Variants in RAB11FIP3 observed in about 807,000 individuals in gnomAD.
RAB11FIP3 encodes rab11 family-interacting protein 3.
RAB11FIP3 carries 17 observed loss-of-function variants against 77.8 expected under a neutral mutation model. The observed-to-expected ratio is 0.22, with a 90% confidence interval of 0.15 to 0.33. RAB11FIP3 has a LOEUF of 0.33. RAB11FIP3 is among the 10% of genes least tolerant of loss of function. The pLI, the probability that RAB11FIP3 is intolerant of heterozygous loss-of-function variation, is 1.00. For missense variants in RAB11FIP3, 1,005 were observed against 1,011.2 expected (o/e 0.99, Z 0.08); for synonymous variants, 437 against 448.2 (o/e 0.98, Z 0.31).
At chr16:495,929 T>C (rs1263846425) in intron 5 of RAB11FIP3, among the ~76,000 whole-genome samples, 1 of 152,138 alleles carries the variant, frequency 6.6e-6, no homozygotes, top group Non-Finnish European at 1.5e-5. Context: ...TTTGAATTTT[T>C]AGTAGAGACA....
intron 3 of RAB11FIP3, chr16:477,646 G>T (rs1454350177): frequency 2.5e-5 from 25 of 985,360 alleles, no homozygotes; most frequent in Non-Finnish European, 3.0e-5. Context: ...AGTGGGAGCT[G>T]CCCAGGGACG....
At chr16:444,301 G>A (rs1196689572) in intron 1 of RAB11FIP3, among the ~76,000 whole-genome samples, 2 of 152,166 alleles carry the variant, frequency 1.3e-5, no homozygotes, top group African/African-American at 4.8e-5. Flanking sequence ...CCGGTGTGAC[G>A]TTCTCCTTGT....
intron 4 of RAB11FIP3, among the ~76,000 whole-genome samples, chr16:485,385 C>T (rs1299675565): frequency 2.0e-5 from 3 of 150,814 alleles, no homozygotes; most frequent in Admixed American, 1.3e-4. Flanking sequence ...CTGTGGGTCT[C>T]CTTTTCACCT....
At position 493,896 on chromosome 16, in the gene RAB11FIP3, G is replaced by A. The variant is rs563282113; in HGVS notation, c.1266-2928G>A. On this transcript the variant is annotated intron_variant, in intron 5 of 13. Transcript: ENST00000262305. ...CTGAGCCACTGCACCCAGCCTGCCT[G>A]GAGGTATATTATCTTTTTCTTTTTT... Among the ~76,000 whole-genome samples the A allele has an allele frequency of 2.3e-4, 33 of 144,814 alleles. 2 individuals carry two copies. The highest frequency in any genetic ancestry group is 8.6e-4 in the African/African-American group (33 of 38,560).
chr16:441,730 C>G (rs2055230183), intron 1 of RAB11FIP3, among the ~76,000 whole-genome samples: 1 of 152,186 alleles, frequency 6.6e-6, no homozygotes, highest in Non-Finnish European at 1.5e-5. Context: ...CACCAGGCAC[C>G]CTTCCTTCTG....
intron 2 of RAB11FIP3, among the ~76,000 whole-genome samples, chr16:467,416 C>CTCAGGGAGGAGGTGCTGGGACG (rs1167036662): frequency 1.4e-5 from 2 of 144,060 alleles, no homozygotes; most frequent in Non-Finnish European, 3.1e-5. Context: ...GTGCAGTAGC[C>CTCAGGGAGGAGGTGCTGGGACG]TCAGGGAGGA....
At chr16:455,204 G>C (rs1388080398) in intron 1 of RAB11FIP3, among the ~76,000 whole-genome samples, 1 of 151,786 alleles carries the variant, frequency 6.6e-6, no homozygotes, top group Non-Finnish European at 1.5e-5. Flanking sequence ...GCGCAGCCAG[G>C]CGCCATGGCT....
intron 2 of RAB11FIP3, among the ~76,000 whole-genome samples, chr16:467,542 A>T (rs113973765): frequency 4.9e-3 from 278 of 57,162 alleles, no homozygotes; most frequent in African/African-American, 0.018. Context: ...GAGGAGGTGC[A>T]GGGGCCTCAG....
At chr16:474,338 G>C (rs984663777) in intron 3 of RAB11FIP3, among the ~76,000 whole-genome samples, 1 of 152,190 alleles carries the variant, frequency 6.6e-6, no homozygotes, top group African/African-American at 2.4e-5. Flanking sequence ...AAAATGTGCA[G>C]TTAGTCATGG....
chr16:497,192 C>T, intron 6 of RAB11FIP3: 1 of 1,098,890 alleles, frequency 9.1e-7, no homozygotes, highest in Admixed American at 2.5e-5. Flanking sequence ...AGTGAGGAGC[C>T]TGGCTTCTCA....
intron 5 of RAB11FIP3, among the ~76,000 whole-genome samples, chr16:493,569 G>A (rs554444043): frequency 3.3e-5 from 5 of 152,258 alleles, no homozygotes; most frequent in Admixed American, 2.6e-4. Context: ...ATTTCATTTT[G>A]TAGGAACTAA....
rs376198710 is a variant in RAB11FIP3, at chr16:463,281, GC to G, written c.808+1785del. Reference sequence around the variant, plus strand: ...GCTGGGGCCCTCAGAGTCAGCAGGTGCAGTGAGGGAGACGGATGCCCTTGGA... The same window carrying G: ...GCTGGGGCCCTCAGAGTCAGCAGGTGAGTGAGGGAGACGGATGCCCTTGGA... On this transcript the variant is annotated intron_variant, in intron 2 of 13. Transcript: ENST00000262305. Among the ~76,000 whole-genome samples, 521 of 152,216 alleles carry G rather than the reference GC, an allele frequency of 3.4e-3. 4 individuals are homozygous for G. Among genetic ancestry groups the G allele is most frequent in the African/African-American group, 0.012 (506 of 41,532 alleles).
intron 4 of RAB11FIP3, among the ~76,000 whole-genome samples, chr16:483,355 C>T (rs1446083688): frequency 1.3e-5 from 2 of 152,206 alleles, no homozygotes; most frequent in Non-Finnish European, 2.9e-5. Context: ...GCTCAGTCAA[C>T]CTGAAAATGT....
intron 4 of RAB11FIP3, among the ~76,000 whole-genome samples, chr16:486,533 AT>A (rs2141752996): frequency 6.6e-6 from 1 of 152,302 alleles, no homozygotes; most frequent in South Asian, 2.1e-4. Context: ...GGGGACACAC[AT>A]TTTGAACAGC....
intron 7 of RAB11FIP3, among the ~76,000 whole-genome samples, chr16:503,611 G>A (rs1482141823): frequency 6.6e-6 from 1 of 152,090 alleles, no homozygotes; most frequent in Non-Finnish European, 1.5e-5. Context: ...CAGATGTGGT[G>A]GCTCACGCCT....
intron 1 of RAB11FIP3, among the ~76,000 whole-genome samples, chr16:454,276 T>C (rs2141623402): frequency 1.3e-5 from 2 of 152,268 alleles, no homozygotes; most frequent in South Asian, 4.1e-4. Context: ...GCTGACTAAA[T>C]GGGAATTAAA....
Position 510,804 on chromosome 16 carries a change from G to C in RAB11FIP3, c.1640+4G>C, listed in dbSNP as rs2032106967. 2 of 1,612,716 alleles carry C rather than the reference G, an allele frequency of 1.2e-6. No individual in the cohort carries two copies. The highest frequency in any genetic ancestry group is 2.7e-5 in the African/African-American group (2 of 75,010). ...AGATCGAGAACCTGCAGACCAGGTA[G>C]GCGGTTCCCAACAGCCCATCCACCC... On this transcript the variant is annotated splice_donor_region_variant and intron_variant, in intron 9 of 13. Transcript: ENST00000262305.
chr16:450,248 C>T (rs2055385065), intron 1 of RAB11FIP3, among the ~76,000 whole-genome samples: 1 of 152,132 alleles, frequency 6.6e-6, no homozygotes, highest in South Asian at 2.1e-4. Context: ...TGGTATACTG[C>T]AACCTCTGCC....
intron 5 of RAB11FIP3, chr16:491,142 C>G: frequency 7.7e-7 from 1 of 1,302,156 alleles, no homozygotes; most frequent in Non-Finnish European, 1.0e-6. Context: ...AGCACTGACC[C>G]TCTTGCCGCA....
Sources: allele counts gnomAD v4.1 joint callset (sites outside exome capture counted in the v4.1 genomes callset), GRCh38; gene constraint gnomAD v4.1.1; transcripts MANE v1.5; gene names NCBI Gene and HGNC (gene_info 2026-07-23, HGNC 2026-07-21).